Variants in SYNE2 observed in about 807,000 individuals in gnomAD.
SYNE2 encodes nesprin-2.
In SYNE2, 431 loss-of-function variants were observed where a neutral mutation model predicts 856.3. The ratio of observed to expected loss-of-function variants is 0.50; its 90% CI spans 0.47 to 0.55. The LOEUF (loss-of-function observed/expected upper bound fraction) is 0.55. Ranked by LOEUF, SYNE2 falls within the 20% of genes least tolerant of loss-of-function variation. The probability of loss-of-function intolerance (pLI) is 0.00; values close to 1 mark genes in which losing one functional copy is unlikely to be tolerated. For synonymous variants in SYNE2, 2,923 were observed against 2,872.3 expected (o/e 1.02, Z -0.56); for missense variants, 8,129 against 8,023.2 (o/e 1.01, Z -0.50).
At position 64,049,612 on chromosome 14, in the gene SYNE2, A is replaced by G. The variant is rs1410084641; in HGVS notation, c.7379A>G (p.Lys2460Arg). Residue 2460 changes from lysine to arginine, a missense_variant and splice_region_variant, in exon 47 of 116, where the codon AAA (lysine) becomes AGA (arginine). By Grantham distance (26) the Lys-to-Arg change is conservative (BLOSUM62 2). Around this residue, in one of 3 missense-constraint regions of SYNE2, gnomAD observed 5,410 missense variants for 5,284.8 expected, o/e 1.02. Transcript: ENST00000555002. ...LRNEQLEEIE[K>R]LYTQLEAKKA... ...CTGATCTGTGTGACTTATTTTTAGA[A>G]ATTATATACCCAGTTGGAAGCAAAG... The G allele has an allele frequency of 6.2e-7, 1 of 1,613,848 alleles. No individual in the cohort carries two copies. The highest frequency in any genetic ancestry group is 1.6e-4 in the Middle Eastern group (1 of 6,084).
intron 49 of SYNE2, among the ~76,000 whole-genome samples, chr14:64,057,469 G>T (rs2097281667): frequency 6.6e-6 from 1 of 151,714 alleles, no homozygotes; most frequent in Admixed American, 6.6e-5. Context: ...TTTTTTAATG[G>T]CTAAATAATA....
chr14:64,073,977 G>T lies in SYNE2; in HGVS notation c.10707G>T (p.Gln3569His). The T allele has an allele frequency of 6.2e-7, 1 of 1,614,048 alleles. No homozygotes were observed. The highest frequency in any genetic ancestry group is 8.5e-7 in the Non-Finnish European group (1 of 1,179,988). Reference sequence around the variant, plus strand: ...TGACGTTCTCTTTTAGGCTTCTTCAGAAAGTTCAGAAAAATAAAGAATTGG... The same window carrying T: ...TGACGTTCTCTTTTAGGCTTCTTCATAAAGTTCAGAAAAATAAAGAATTGG... ...SMKERCNKLL[Q>H]KVQKNKELVQ... Residue 3569 changes from glutamine (Q) to histidine (H), a missense_variant, in exon 53 of 116, where the codon CAG becomes CAT. Around this residue, in one of 3 missense-constraint regions of SYNE2, gnomAD observed 5,410 missense variants for 5,284.8 expected, o/e 1.02. Coordinates refer to ENST00000555002, the MANE Select transcript of SYNE2 (RefSeq NM_182914.3).
intron 43 of SYNE2, 118 bp downstream of exon 43, chr14:64,027,911 T>A (rs558587409): frequency 1.1e-6 from 1 of 903,634 alleles, no homozygotes; most frequent in South Asian, 1.7e-5. Context: ...TTATTTTATT[T>A]TATTTTATTT....
At chr14:63,992,541 A>C (rs1441709504) in intron 21 of SYNE2, among the ~76,000 whole-genome samples, 1 of 152,188 alleles carries the variant, frequency 6.6e-6, no homozygotes, top group Non-Finnish European at 1.5e-5. Context: ...TCGGTCTCCC[A>C]AAGTGCTGGG....
chr14:63,830,840 CTTTTTT>C (rs11427202), intron 1 of SYNE2, among the ~76,000 whole-genome samples: 1 of 108,724 alleles, frequency 9.2e-6, no homozygotes, highest in African/African-American at 3.6e-5. Flanking sequence ...TGATCCCATT[CTTTTTT>C]TTTTTTTTTT....
chr14:63,900,262 G>T lies in SYNE2; in HGVS notation c.-51-8836G>T, dbSNP rs551390753. On this transcript the variant is annotated intron_variant, in intron 1 of 115. Transcript: ENST00000555002. ...CATTTTTGTTTTCCAAAAGTGTAATGCATAGATAGGTGTATTAGTTTGTTT... is the reference window on the plus strand; with the variant it reads ...CATTTTTGTTTTCCAAAAGTGTAATTCATAGATAGGTGTATTAGTTTGTTT... Among the ~76,000 whole-genome samples the T allele has an allele frequency of 4.6e-5, 7 of 152,308 alleles. 1 individual carries two copies. The South Asian group carries it at 1.4e-3, about 32-fold the overall frequency.
intron 63 of SYNE2, 182 bp downstream of exon 63, chr14:64,099,003 CTG>C (rs919117913): frequency 3.1e-6 from 2 of 645,312 alleles, no homozygotes; most frequent in African/African-American, 3.6e-5. Context: ...ACCTACTTCA[CTG>C]TGTAAGAGTG....
intron 1 of SYNE2, among the ~76,000 whole-genome samples, chr14:63,897,702 G>C (rs1343804770): frequency 6.6e-6 from 1 of 152,156 alleles, no homozygotes. Flanking sequence ...CACAATCCTT[G>C]TATGCTTCTT....
chr14:63,971,203 C>G (rs2096472376), intron 11 of SYNE2, among the ~76,000 whole-genome samples: 1 of 151,342 alleles, frequency 6.6e-6, no homozygotes, highest in Admixed American at 6.6e-5. Flanking sequence ...CCTCTGCTTC[C>G]CGAGCTCAGT....
intron 61 of SYNE2, among the ~76,000 whole-genome samples, chr14:64,093,935 C>T (rs2097653068): frequency 2.0e-5 from 3 of 152,172 alleles, no homozygotes; most frequent in Admixed American, 2.0e-4. Context: ...GCAGTGTAGG[C>T]AGGCTGGGCT....
chr14:64,005,887 T>C (rs2096792305), intron 30 of SYNE2, among the ~76,000 whole-genome samples: 1 of 152,118 alleles, frequency 6.6e-6, no homozygotes, highest in South Asian at 2.1e-4. Flanking sequence ...GCACTCCTTA[T>C]TGAGAGATCA....
chr14:63,943,919 T>C lies in SYNE2; in HGVS notation c.408+1776T>C, dbSNP rs562854088. On this transcript the variant is annotated intron_variant, in intron 6 of 115. Transcript: ENST00000555002. The stretch of plus-strand genomic sequence containing the variant: ...CTCCTGACCTTGTGATCCACCTGCC[T>C]CAGCCTCCAAAAGTGCTGGGATTAC... Among the ~76,000 whole-genome samples the C allele has an allele frequency of 7.9e-5, 12 of 152,146 alleles. No homozygotes were observed. In the South Asian group the frequency reaches 2.5e-3, roughly 32 times the overall value.
At chr14:63,953,531 T>TAGAGAGAG (rs71123822) in intron 7 of SYNE2, among the ~76,000 whole-genome samples, 2 of 148,764 alleles carry the variant, frequency 1.3e-5, no homozygotes, top group African/African-American at 5.0e-5. Flanking sequence ...AATAGATAGA[T>TAGAGAGAG]AGAGAGAGAG....
chr14:63,998,088 A>G (rs2096726872), intron 25 of SYNE2, 131 bp from the exon 26 acceptor site: 1 of 755,556 alleles, frequency 1.3e-6, no homozygotes, highest in African/African-American at 1.7e-5. Flanking sequence ...GAGACATCTC[A>G]AAGAAATTGT....
chr14:63,961,057 G>A (rs2096306893), intron 8 of SYNE2, among the ~76,000 whole-genome samples: 1 of 152,178 alleles, frequency 6.6e-6, no homozygotes, highest in South Asian at 2.1e-4. Context: ...GGATGTCTTA[G>A]ATAAGCCTTC....
At chr14:63,780,778 A>G (rs1372914323) in intron 1 of SYNE2, among the ~76,000 whole-genome samples, 1 of 152,166 alleles carries the variant, frequency 6.6e-6, no homozygotes, top group Non-Finnish European at 1.5e-5. Context: ...CAAAGAATCA[A>G]AAAAAGAATA....
Position 63,975,421 on chromosome 14 carries a change from C to T in SYNE2, c.1129-1142C>T, listed in dbSNP as rs553645294. Among the ~76,000 whole-genome samples the T allele has an allele frequency of 3.3e-5, 5 of 152,232 alleles. No homozygotes were observed. The South Asian group carries it at 1.0e-3, about 32-fold the overall frequency. ...GATCATGGCTCACTGTAGCCTTGACCTCCTGGGCTCAAGTGATCCTCCCAC... is the reference window on the plus strand; with the variant it reads ...GATCATGGCTCACTGTAGCCTTGACTTCCTGGGCTCAAGTGATCCTCCCAC... On this transcript the variant is annotated intron_variant, in intron 11 of 115. Coordinates refer to ENST00000555002, the MANE Select transcript of SYNE2 (RefSeq NM_182914.3).
chr14:64,035,913 AG>A (rs1440305749), intron 45 of SYNE2, among the ~76,000 whole-genome samples: 1 of 146,048 alleles, frequency 6.8e-6, no homozygotes, highest in African/African-American at 2.6e-5. Flanking sequence ...TAAGTTGCCC[AG>A]GGTAGTCTTG....
At chr14:63,968,262 T>C (rs1002538359) in intron 11 of SYNE2, among the ~76,000 whole-genome samples, 5 of 151,660 alleles carry the variant, frequency 3.3e-5, no homozygotes, top group African/African-American at 1.2e-4. Context: ...GTGTAGATGC[T>C]TCATCAGAAA....
Sources: allele counts gnomAD v4.1 joint callset (sites outside exome capture counted in the v4.1 genomes callset), GRCh38; gene constraint gnomAD v4.1.1; regional missense constraint gnomAD v4.1.1; transcripts MANE v1.5; gene names NCBI Gene and HGNC (gene_info 2026-07-23, HGNC 2026-07-21).